The following HOMER1 variants were observed in gnomAD, a reference collection of about 807,000 sequenced individuals.
HOMER1 encodes the protein homer protein homolog 1.
In HOMER1, 3 loss-of-function variants were observed where a neutral mutation model predicts 48.9. The ratio of observed to expected loss-of-function variants is 0.06; its 90% CI spans 0.03 to 0.16. The LOEUF is 0.16. Ranked by LOEUF, HOMER1 falls within the 10% of genes least tolerant of loss-of-function variation. The pLI, the probability that HOMER1 is intolerant of heterozygous loss-of-function variation, is 1.00. For missense variants in HOMER1, 247 were observed against 411.4 expected (o/e 0.60, Z 3.46); for synonymous variants, 134 against 146.4 (o/e 0.92, Z 0.61).
rs964160699 is a variant in HOMER1, at chr5:79,449,962, G to C, written c.294+1028C>G. Reference sequence around the variant, plus strand: ...ATAGATTCAATATATATTCATAAAAGTGTAAGATTTCTAAAAAGAACCCAG... The same window carrying C: ...ATAGATTCAATATATATTCATAAAACTGTAAGATTTCTAAAAAGAACCCAG... On this transcript the variant is annotated intron_variant, in intron 3 of 8. Transcript: ENST00000334082. 7.2e-5 allele frequency among the ~76,000 whole-genome samples: 11 copies of C among 152,120 alleles called. No homozygotes were observed. The East Asian group carries it at 2.1e-3, about 29-fold the overall frequency.
At chr5:79,428,949 A>T (rs1330373825) in intron 5 of HOMER1, among the ~76,000 whole-genome samples, 2 of 152,264 alleles carry the variant, frequency 1.3e-5, no homozygotes, top group African/African-American at 4.8e-5. Flanking sequence ...ATTCATATAC[A>T]ATTTCTAGGC....
intron 1 of HOMER1, among the ~76,000 whole-genome samples, chr5:79,460,200 C>T (rs1290457486): frequency 2.6e-5 from 4 of 152,100 alleles, no homozygotes; most frequent in Non-Finnish European, 2.9e-5. Flanking sequence ...CGTGTGGTGG[C>T]TCACACCTGT....
Position 79,465,584 on chromosome 5 carries a change from C to CTTTTTTTTTT in HOMER1, c.6-8576_6-8567dup, listed in dbSNP as rs10666507. 4.9e-4 allele frequency among the ~76,000 whole-genome samples: 38 copies of CTTTTTTTTTT among 77,906 alleles called. 3 individuals are homozygous for CTTTTTTTTTT. Among genetic ancestry groups the CTTTTTTTTTT allele is most frequent in the African/African-American group, 1.8e-3 (30 of 16,494 alleles). The allele number at this position is 77,906 out of a possible 152,430, so 51.1% of individuals were successfully genotyped here. ...AGTAACAGTACTGTTTACATTTCTT[C>CTTTTTTTTTT]TTTTTTTTTTTTTTTTTTTTTTTTT... On this transcript the variant is annotated intron_variant, in intron 1 of 8. Coordinates refer to ENST00000334082, the MANE Select transcript of HOMER1 (RefSeq NM_004272.5).
intron 1 of HOMER1, among the ~76,000 whole-genome samples, chr5:79,496,488 C>G (rs1463348403): frequency 1.3e-5 from 2 of 152,110 alleles, no homozygotes; most frequent in East Asian, 3.9e-4. Context: ...TTGGAAGAGT[C>G]TCCTCTAAAG....
chr5:79,488,356 A>C (rs1752177437), intron 1 of HOMER1, among the ~76,000 whole-genome samples: 1 of 152,224 alleles, frequency 6.6e-6, no homozygotes, highest in Non-Finnish European at 1.5e-5. Context: ...TACCCAATCC[A>C]CTATCCTTTT....
chr5:79,437,039 T>C (rs1750600924), intron 5 of HOMER1, among the ~76,000 whole-genome samples: 1 of 152,180 alleles, frequency 6.6e-6, no homozygotes, highest in African/African-American at 2.4e-5. Context: ...AAAGCAGCTA[T>C]GTACTTCAAG....
chr5:79,394,992 T>C lies in HOMER1; in HGVS notation c.876+1831A>G, dbSNP rs780580597. Among the ~76,000 whole-genome samples the C allele has an allele frequency of 2.6e-5, 4 of 152,320 alleles. No individual in the cohort carries two copies. The South Asian group carries it at 8.3e-4, about 32-fold the overall frequency. The stretch of plus-strand genomic sequence containing the variant: ...CTGAAAATACTTTTTAAAAGAATCA[T>C]TAAGGATGACTTGACTGTTTGTTGC... On this transcript the variant is annotated intron_variant, in intron 8 of 8. Transcript: ENST00000334082.
chr5:79,483,036 A>C (rs987129029), intron 1 of HOMER1, among the ~76,000 whole-genome samples: 3 of 152,132 alleles, frequency 2.0e-5, no homozygotes, highest in Admixed American at 2.0e-4. Flanking sequence ...TGCTTGAAAA[A>C]ATGTCCAAAT....
intron 1 of HOMER1, chr5:79,511,035 T>G (rs978519035): frequency 3.3e-6 from 1 of 302,252 alleles, no homozygotes; most frequent in Admixed American, 4.8e-5. Flanking sequence ...AAATTCATCC[T>G]AAGCTTCCCT....
intron 5 of HOMER1, among the ~76,000 whole-genome samples, chr5:79,407,124 A>G (rs966355132): frequency 6.6e-6 from 1 of 152,252 alleles, no homozygotes; most frequent in Non-Finnish European, 1.5e-5. Context: ...TAAAGGCTAT[A>G]GCATACTCAT....
intron 1 of HOMER1, among the ~76,000 whole-genome samples, chr5:79,482,777 C>T (rs1751981244): frequency 6.6e-6 from 1 of 151,744 alleles, no homozygotes; most frequent in Non-Finnish European, 1.5e-5. Context: ...GTGGGAGAAT[C>T]TTGAGGCCAG....
At chr5:79,502,119 A>C (rs1752610797) in intron 1 of HOMER1, among the ~76,000 whole-genome samples, 2 of 148,456 alleles carry the variant, frequency 1.3e-5, no homozygotes, top group Admixed American at 6.9e-5. Flanking sequence ...TCCTGGGTTC[A>C]AGCAATTCTC....
chr5:79,402,314 C>T (rs948943960), intron 5 of HOMER1, among the ~76,000 whole-genome samples: 3 of 151,930 alleles, frequency 2.0e-5, no homozygotes, highest in Non-Finnish European at 2.9e-5. Flanking sequence ...TACAGGCACA[C>T]GCCACCATGC....
chr5:79,391,569 T>C (rs1749252603), intron 8 of HOMER1, among the ~76,000 whole-genome samples: 1 of 151,332 alleles, frequency 6.6e-6, no homozygotes, highest in Admixed American at 6.6e-5. Flanking sequence ...ACGGTGAAAC[T>C]CCGTCTCTGC....
At chr5:79,448,300 A>G (rs1255188402) in intron 3 of HOMER1, among the ~76,000 whole-genome samples, 1 of 152,218 alleles carries the variant, frequency 6.6e-6, no homozygotes, top group African/African-American at 2.4e-5. Flanking sequence ...CTCTTTATGT[A>G]ATCTGAAATA....
rs116405004 is a variant in HOMER1 at position 79,401,890 on chromosome 5, T to C, written c.684+9A>G. On this transcript the variant is annotated intron_variant, in intron 6 of 8. Coordinates refer to ENST00000334082, the MANE Select transcript of HOMER1 (RefSeq NM_004272.5). ...CCTAAATCCCTATAGACATCAGCCC[T>C]GAAATTACCCGCTTGTGCAGACGTT... 1,053 of 1,613,210 alleles carry C rather than the reference T, an allele frequency of 6.5e-4. 5 individuals carry two copies. The African/African-American group carries it at 0.013, about 20-fold the overall frequency.
At chr5:79,475,312 C>A (rs1751735550) in intron 1 of HOMER1, among the ~76,000 whole-genome samples, 1 of 116,228 alleles carries the variant, frequency 8.6e-6, no homozygotes. Flanking sequence ...TACTGAGTCA[C>A]TGGATGGGAG....
intron 1 of HOMER1, among the ~76,000 whole-genome samples, chr5:79,474,387 T>C (rs145658460): frequency 6.6e-6 from 1 of 152,088 alleles, no homozygotes; most frequent in South Asian, 2.1e-4. Context: ...TCTTTCCCCC[T>C]GTATTAGTAA....
chr5:79,452,528 C>A (rs1342357403), intron 2 of HOMER1, among the ~76,000 whole-genome samples: 1 of 152,154 alleles, frequency 6.6e-6, no homozygotes, highest in Admixed American at 6.5e-5. Context: ...TGGAATGATA[C>A]ATCAAGCATT....
Sources: gnomAD v4.1 joint callset for allele counts (sites outside exome capture counted in the v4.1 genomes callset) on GRCh38, gnomAD v4.1.1 for gene constraint, MANE v1.5 for transcripts, NCBI Gene and HGNC (gene_info 2026-07-23, HGNC 2026-07-21) for gene names.